PEPD: variants seen among roughly 807,000 people sequenced by gnomAD.
PEPD encodes the protein xaa-Pro dipeptidase.
In PEPD, 53 loss-of-function variants were observed where a neutral mutation model predicts 60.7. The ratio of observed to expected loss-of-function variants is 0.87; its 90% CI spans 0.70 to 1.10. The LOEUF (loss-of-function observed/expected upper bound fraction) is 1.10. Among genes scored for constraint, PEPD ranks in the 50% least tolerant of loss-of-function variants. PEPD has a pLI of 0.00. For synonymous variants in PEPD, 267 were observed against 284.1 expected (o/e 0.94, Z 0.60); for missense variants, 711 against 711.9 (o/e 1.00, Z 0.01).
At chr19:33,406,420 G>T (rs139791349) in intron 11 of PEPD, among the ~76,000 whole-genome samples, 1 of 152,242 alleles carries the variant, frequency 6.6e-6, no homozygotes, top group South Asian at 2.1e-4. Context: ...GGGATGGGAC[G>T]GCCATGCCTG....
At chr19:33,456,798 G>A (rs931162440) in intron 9 of PEPD, among the ~76,000 whole-genome samples, 1 of 152,112 alleles carries the variant, frequency 6.6e-6, no homozygotes, top group Non-Finnish European at 1.5e-5. Flanking sequence ...TTGTGGGGGT[G>A]GCTAAATGGA....
At chr19:33,483,815 T>A (rs1469643226) in intron 6 of PEPD, among the ~76,000 whole-genome samples, 1 of 151,544 alleles carries the variant, frequency 6.6e-6, no homozygotes, top group African/African-American at 2.4e-5. Context: ...GCCCAGTCTC[T>A]TTAAAAAAGC....
chr19:33,433,047 T>A (rs1040117447), intron 9 of PEPD, among the ~76,000 whole-genome samples: 1 of 151,982 alleles, frequency 6.6e-6, no homozygotes, highest in African/African-American at 2.4e-5. Context: ...ATTGTTTCTA[T>A]CCCTCCATTC....
chr19:33,441,459 C>T (rs1312837869), intron 9 of PEPD, among the ~76,000 whole-genome samples: 1 of 152,224 alleles, frequency 6.6e-6, no homozygotes, highest in Non-Finnish European at 1.5e-5. Flanking sequence ...GTGCACAGTC[C>T]CGGGGAGGCC....
In PEPD at chr19:33,391,473, C is replaced by G; in HGVS notation, c.974G>C (p.Trp325Ser). Residue 325 changes from tryptophan to serine, a missense_variant, in exon 13 of 15, where the codon TGG becomes TCG. Physicochemically the swap from Trp to Ser is radical, Grantham distance 177. Coordinates refer to ENST00000244137, the MANE Select transcript of PEPD (RefSeq NM_000285.4). ...AVMGAMKPGV[W>S]WPDMHRLADR... Reference sequence around the variant, plus strand: ...AGCCAGGCGGTGCATGTCAGGCCACCAGACACCTGTGGGCCAGAGGGAGCT... The same window carrying G: ...AGCCAGGCGGTGCATGTCAGGCCACGAGACACCTGTGGGCCAGAGGGAGCT... 6.5e-7 allele frequency: 1 copy of G among 1,550,158 alleles called. No individual in the cohort carries two copies. The highest frequency in any genetic ancestry group is 8.7e-7 in the Non-Finnish European group (1 of 1,147,306).
intron 11 of PEPD, among the ~76,000 whole-genome samples, chr19:33,410,588 T>C (rs1968741294): frequency 6.6e-6 from 1 of 152,196 alleles, no homozygotes; most frequent in Admixed American, 6.5e-5. Flanking sequence ...CTGGAGGAGC[T>C]GGCACATTGG....
chr19:33,438,983 GTGC>G lies in PEPD; in HGVS notation c.671+24009_671+24011del, dbSNP rs371055938. 5.2e-4 allele frequency among the ~76,000 whole-genome samples: 79 copies of G among 152,340 alleles called. 1 individual carries two copies. The South Asian group carries it at 0.016, about 30-fold the overall frequency. Reference sequence around the variant, plus strand: ...GATCCACCTGCCTTGGCCTCCCAAAGTGCTGGGACATAAGAGACAGGTGGCGTG... The same window carrying G: ...GATCCACCTGCCTTGGCCTCCCAAAGTGGGACATAAGAGACAGGTGGCGTG... On this transcript the variant is annotated intron_variant, in intron 9 of 14. Coordinates refer to ENST00000244137, the MANE Select transcript of PEPD (RefSeq NM_000285.4).
intron 12 of PEPD, 68 bp downstream of exon 12, chr19:33,401,653 C>A (rs189835391): frequency 9.8e-4 from 1,403 of 1,433,580 alleles, no homozygotes; most frequent in Middle Eastern, 5.6e-3. Context: ...TCCCTGCAGG[C>A]ACCTGCCACA....
chr19:33,399,040 G>A (rs1568450082), intron 12 of PEPD, among the ~76,000 whole-genome samples: 1 of 152,180 alleles, frequency 6.6e-6, no homozygotes, highest in Non-Finnish European at 1.5e-5. Flanking sequence ...CTGGAGTGCA[G>A]TGGTGTGATC....
At chr19:33,476,194 G>A (rs1188230208) in intron 7 of PEPD, among the ~76,000 whole-genome samples, 1 of 152,162 alleles carries the variant, frequency 6.6e-6, no homozygotes, top group Non-Finnish European at 1.5e-5. Context: ...AGAGGTGGCT[G>A]TGAACTTGAA....
chr19:33,414,648 T>G (rs1600097030), intron 9 of PEPD, among the ~76,000 whole-genome samples: 1 of 133,588 alleles, frequency 7.5e-6, no homozygotes, highest in Non-Finnish European at 1.5e-5. Context: ...CACATGGCGG[T>G]CCTGCCCTGC....
At chr19:33,444,020 G>A (rs926763831) in intron 9 of PEPD, among the ~76,000 whole-genome samples, 1 of 152,238 alleles carries the variant, frequency 6.6e-6, no homozygotes, top group African/African-American at 2.4e-5. Flanking sequence ...GGGAGGGTGA[G>A]AAGAGTGTGT....
At chr19:33,515,283 G>A (rs1971004858) in intron 1 of PEPD, among the ~76,000 whole-genome samples, 1 of 152,160 alleles carries the variant, frequency 6.6e-6, no homozygotes. Context: ...AGGGTGGAGG[G>A]TCAGAAGCAG....
At chr19:33,433,100 C>T (rs1464223353) in intron 9 of PEPD, among the ~76,000 whole-genome samples, 1 of 152,226 alleles carries the variant, frequency 6.6e-6, no homozygotes, top group Non-Finnish European at 1.5e-5. Flanking sequence ...AGCTACACAC[C>T]CATTTGCATG....
intron 9 of PEPD, among the ~76,000 whole-genome samples, chr19:33,429,837 A>G (rs1969232998): frequency 6.6e-6 from 1 of 152,262 alleles, no homozygotes; most frequent in African/African-American, 2.4e-5. Flanking sequence ...CTGAAAACCC[A>G]CAAAGATAAA....
At chr19:33,430,578 A>C (rs1257696382) in intron 9 of PEPD, among the ~76,000 whole-genome samples, 1 of 152,098 alleles carries the variant, frequency 6.6e-6, no homozygotes, top group Admixed American at 6.5e-5. Context: ...CTCTGCATCA[A>C]AGGGTTTTTT....
chr19:33,408,826 C>T (rs138443650), intron 11 of PEPD, among the ~76,000 whole-genome samples: 2 of 152,284 alleles, frequency 1.3e-5, no homozygotes, highest in East Asian at 1.9e-4. Flanking sequence ...TATTATTTAC[C>T]GAACGCAGTA....
intron 9 of PEPD, among the ~76,000 whole-genome samples, chr19:33,430,878 G>T (rs1316115240): frequency 6.6e-6 from 1 of 152,028 alleles, no homozygotes; most frequent in African/African-American, 2.4e-5. Flanking sequence ...CGTCTGCCAC[G>T]CACACAGAGC....
intron 13 of PEPD, among the ~76,000 whole-genome samples, chr19:33,390,824 C>A (rs975678185): frequency 6.6e-6 from 1 of 152,152 alleles, no homozygotes. Context: ...GGCGAACCAG[C>A]GGCAGAGCAG....
Sources: gnomAD v4.1 joint callset for allele counts (sites outside exome capture counted in the v4.1 genomes callset) on GRCh38, gnomAD v4.1.1 for gene constraint, MANE v1.5 for transcripts, NCBI Gene and HGNC (gene_info 2026-07-23, HGNC 2026-07-21) for gene names.